NEDD4: variants seen among roughly 807,000 people sequenced by gnomAD.
The protein encoded by NEDD4 is E3 ubiquitin-protein ligase NEDD4.
In NEDD4, 99 loss-of-function variants were observed where a neutral mutation model predicts 144.9. The ratio of observed to expected loss-of-function variants is 0.68; its 90% confidence interval spans 0.58 to 0.81. The LOEUF is 0.81. Ranked by LOEUF, NEDD4 falls within the 30% of genes least tolerant of loss-of-function variation. NEDD4 has a pLI of 0.00. For synonymous variants in NEDD4, 318 were observed against 350.6 expected, an observed-to-expected ratio of 0.91 and a Z score of 1.04; for missense variants, 985 against 1,065.9, an observed-to-expected ratio of 0.92 and a Z score of 1.06.
Position 55,993,491 on chromosome 15 carries a change from C to A in NEDD4, c.45+20G>T. The A allele has an allele frequency of 6.3e-7, 1 of 1,594,516 alleles. No individual in the cohort carries two copies. The highest frequency in any genetic ancestry group is 1.1e-5 in the South Asian group (1 of 89,050). Reference sequence around the variant, plus strand: ...ATAACCCGAAGGGAAGCCCGCCCCGCAGCCCCGCGGTCCCCGCACCTCGTC... The same window carrying A: ...ATAACCCGAAGGGAAGCCCGCCCCGAAGCCCCGCGGTCCCCGCACCTCGTC... On this transcript the variant is annotated intron_variant, in intron 1 of 28. Transcript: ENST00000435532.
At chr15:55,854,750 T>C (rs576875793) in intron 12 of NEDD4, among the ~76,000 whole-genome samples, 1 of 152,166 alleles carries the variant, frequency 6.6e-6, no homozygotes, top group South Asian at 2.1e-4. Flanking sequence ...TTTTATGGTA[T>C]GTAAATTATA....
chr15:55,876,741 TA>T (rs2035008015), intron 5 of NEDD4, among the ~76,000 whole-genome samples: 1 of 152,164 alleles, frequency 6.6e-6, no homozygotes, highest in Non-Finnish European at 1.5e-5. Flanking sequence ...CTAGTCCAAT[TA>T]AAGACAGAGA....
intron 1 of NEDD4, among the ~76,000 whole-genome samples, chr15:55,993,112 C>A (rs947762238): frequency 6.6e-6 from 1 of 152,246 alleles, no homozygotes; most frequent in Non-Finnish European, 1.5e-5. Context: ...GCAAGCAAAT[C>A]AACAGCGGGG....
intron 1 of NEDD4, among the ~76,000 whole-genome samples, chr15:55,983,611 T>G (rs2037842096): frequency 7.2e-6 from 1 of 138,820 alleles, no homozygotes; most frequent in African/African-American, 2.6e-5. Flanking sequence ...TTTTTAGATA[T>G]ACTTTTTTTT....
intron 5 of NEDD4, chr15:55,915,318 C>G: frequency 6.2e-7 from 1 of 1,605,678 alleles, no homozygotes; most frequent in Non-Finnish European, 8.5e-7. Flanking sequence ...TGTGCAATCT[C>G]TGTTGCTGTC....
intron 1 of NEDD4, among the ~76,000 whole-genome samples, chr15:55,971,346 C>T (rs1295635444): frequency 3.3e-5 from 5 of 152,046 alleles, no homozygotes; most frequent in African/African-American, 7.2e-5. Context: ...GTTATTGGGC[C>T]GGGCATGGTG....
intron 5 of NEDD4, among the ~76,000 whole-genome samples, chr15:55,883,693 ACAAACACACACACACACAC>A (rs2035280637): frequency 8.1e-6 from 1 of 122,838 alleles, no homozygotes; most frequent in Admixed American, 8.5e-5. Context: ...ACACACACAC[ACAAACACACACACACACAC>A]ACACACACAC....
At chr15:55,881,415 A>G (rs547201206) in intron 5 of NEDD4, among the ~76,000 whole-genome samples, 5 of 152,286 alleles carry the variant, frequency 3.3e-5, no homozygotes, top group Middle Eastern at 3.4e-3. Context: ...TGCTGGGATT[A>G]CAGGCATGAG....
chr15:55,871,632 G>A (rs2034801987), intron 7 of NEDD4, among the ~76,000 whole-genome samples: 2 of 152,038 alleles, frequency 1.3e-5, no homozygotes, highest in Non-Finnish European at 1.5e-5. Context: ...CAGTCAGTGA[G>A]CACTCCTTTT....
chr15:55,850,360 A>C (rs1166533190), intron 14 of NEDD4, among the ~76,000 whole-genome samples, 182 bp downstream of exon 14: 1 of 152,224 alleles, frequency 6.6e-6, no homozygotes, highest in Admixed American at 6.5e-5. Flanking sequence ...ATCCAAAACA[A>C]TATTAAAAAG....
intron 18 of NEDD4, among the ~76,000 whole-genome samples, chr15:55,844,557 T>C (rs2033661053): frequency 6.6e-6 from 1 of 152,148 alleles, no homozygotes; most frequent in Admixed American, 6.6e-5. Flanking sequence ...GACTCCACCA[T>C]TCACTAGGAG....
chr15:55,964,889 G>A (rs532144548), intron 2 of NEDD4, among the ~76,000 whole-genome samples: 1 of 152,146 alleles, frequency 6.6e-6, no homozygotes, highest in East Asian at 1.9e-4. Context: ...CCTCGGAAGT[G>A]AGTGAGTTCT....
rs1299758891 is a variant in NEDD4, at chr15:55,848,866, A to T, written c.1368T>A (p.Ile456=). 2 of 1,613,768 alleles carry T rather than the reference A, an allele frequency of 1.2e-6. No homozygotes were observed. The highest frequency in any genetic ancestry group is 1.7e-6 in the Non-Finnish European group (2 of 1,179,768). ...ATGTCTTTCCTCTCAGATGGGCTGG[A>T]ATTTTCAATCTTGGATCTTCCTTTT... ...TTTWEDPRLK[I]PAHLRGKTSL... Residue 456 remains isoleucine (I), a synonymous_variant, in exon 15 of 29, where the codon ATT becomes ATA. Transcript: ENST00000435532.
chr15:55,891,433 A>G (rs1240543512), intron 5 of NEDD4, among the ~76,000 whole-genome samples: 2 of 152,224 alleles, frequency 1.3e-5, no homozygotes, highest in Non-Finnish European at 2.9e-5. Flanking sequence ...ATTCATTCCT[A>G]TGAAGGCAAG....
intron 2 of NEDD4, among the ~76,000 whole-genome samples, chr15:55,959,439 G>A (rs1434676762): frequency 6.6e-6 from 1 of 152,072 alleles, no homozygotes; most frequent in African/African-American, 2.4e-5. Context: ...CTTGATTAAC[G>A]TACCATGTGC....
At chr15:55,841,818 G>A (rs868107032) in intron 19 of NEDD4, 116 bp downstream of exon 19, 35 of 779,312 alleles carry the variant, frequency 4.5e-5, no homozygotes, top group Admixed American at 2.4e-4. Flanking sequence ...TGATCCGCCC[G>A]CCTCGGCCTC....
rs1216512544 is a variant in NEDD4, at chr15:55,883,620, C to T, written c.292-9612G>A. Among the ~76,000 whole-genome samples the T allele has an allele frequency of 2.0e-5, 3 of 151,700 alleles. No homozygotes were observed. In the East Asian group the frequency reaches 5.8e-4, roughly 29 times the overall value. On this transcript the variant is annotated intron_variant, in intron 5 of 28. Coordinates refer to ENST00000435532, the MANE Select transcript of NEDD4 (RefSeq NM_006154.4). ...GCTTTAGGTTTGACCCAGTGCATTCCCAGTGGTGGTGGCCACAGGGATGCT... is the reference window on the plus strand; with the variant it reads ...GCTTTAGGTTTGACCCAGTGCATTCTCAGTGGTGGTGGCCACAGGGATGCT...
At position 55,852,609 on chromosome 15, in the gene NEDD4, A is replaced by T. The variant is rs910858314; in HGVS notation, c.1027-66T>A. 13 of 1,499,794 alleles carry T rather than the reference A, an allele frequency of 8.7e-6. No individual in the cohort carries two copies. The Admixed American group carries it at 1.1e-4, about 12-fold the overall frequency. The allele number at this position is 1,499,794 out of a possible 1,614,324, so 92.9% of individuals were successfully genotyped here. On this transcript the variant is annotated intron_variant, in intron 12 of 28. Transcript: ENST00000435532. ...TAAGAATCCTTCTATCACCCCCAAA[A>T]GTTCCCTCTGTCCCTATGTCTACTC...
intron 12 of NEDD4, among the ~76,000 whole-genome samples, chr15:55,853,254 C>T (rs2034063996): frequency 1.3e-5 from 2 of 152,062 alleles, no homozygotes; most frequent in Admixed American, 1.3e-4. Context: ...CAGTACTTCA[C>T]TTGGGAAAAA....
Sources: gnomAD v4.1 joint callset for allele counts (sites outside exome capture counted in the v4.1 genomes callset) on GRCh38, gnomAD v4.1.1 for gene constraint, MANE v1.5 for transcripts, NCBI Gene and HGNC (gene_info 2026-07-23, HGNC 2026-07-21) for gene names.